CNGB3: variants seen among roughly 807,000 people sequenced by gnomAD.
CNGB3 encodes the protein cyclic nucleotide gated channel subunit beta 3.
CNGB3 carries 86 observed loss-of-function variants against 92.8 expected under a neutral mutation model. The observed-to-expected ratio is 0.93, with a 90% CI of 0.78 to 1.11. The LOEUF (loss-of-function observed/expected upper bound fraction) is 1.11, where lower values mean the gene tolerates loss of function less well. CNGB3 is among the 50% of genes least tolerant of loss of function. The pLI is 0.00. For synonymous variants in CNGB3, 333 were observed against 332.7 expected, an observed-to-expected ratio of 1.00 and a Z score of -0.01; for missense variants, 1,026 against 956.8, an observed-to-expected ratio of 1.07 and a Z score of -0.95.
At chr8:86,634,376 G>GGTT (rs1823023280) in intron 10 of CNGB3, among the ~76,000 whole-genome samples, 1 of 152,174 alleles carries the variant, frequency 6.6e-6, no homozygotes, top group African/African-American at 2.4e-5. Flanking sequence ...GCTAAGCTAT[G>GGTT]ATGTTTGGTA....
At chr8:86,637,657 C>T (rs1823099334) in intron 10 of CNGB3, among the ~76,000 whole-genome samples, 1 of 152,084 alleles carries the variant, frequency 6.6e-6, no homozygotes, top group South Asian at 2.1e-4. Context: ...TTTCAGTGTA[C>T]AAGTCTCACA....
chr8:86,590,511 A>C (rs1272299648), intron 15 of CNGB3, among the ~76,000 whole-genome samples: 2 of 151,950 alleles, frequency 1.3e-5, no homozygotes, highest in Non-Finnish European at 2.9e-5. Context: ...CGCTTCCTTC[A>C]GGAGCTCTTT....
intron 10 of CNGB3, among the ~76,000 whole-genome samples, chr8:86,638,963 C>T (rs1381078536): frequency 6.6e-6 from 1 of 151,788 alleles, no homozygotes; most frequent in Non-Finnish European, 1.5e-5. Flanking sequence ...TCTCTCTCTG[C>T]CATTGTCTGA....
At chr8:86,618,336 G>T (rs1031836712) in intron 13 of CNGB3, among the ~76,000 whole-genome samples, 7 of 152,182 alleles carry the variant, frequency 4.6e-5, no homozygotes, top group African/African-American at 1.7e-4. Context: ...CTATGATCAG[G>T]CAGGGCCACA....
intron 6 of CNGB3, chr8:86,658,160 C>A: frequency 1.9e-6 from 1 of 539,570 alleles, no homozygotes; most frequent in South Asian, 1.7e-5. Context: ...TCCTTCTGGA[C>A]TGAGGCCACC....
intron 3 of CNGB3, among the ~76,000 whole-genome samples, chr8:86,703,741 A>G (rs1228527320): frequency 6.6e-6 from 1 of 152,164 alleles, no homozygotes. Flanking sequence ...TGTACAACCA[A>G]GTAAAGCCTC....
rs114942550 is a variant in CNGB3, at chr8:86,640,593, C to A, written c.1178+3158G>T. Among the ~76,000 whole-genome samples, 657 of 152,122 alleles carry A rather than the reference C, an allele frequency of 4.3e-3. 5 individuals are homozygous for A. Among genetic ancestry groups the A allele is most frequent in the African/African-American group, 0.015 (630 of 41,536 alleles). On this transcript the variant is annotated intron_variant, in intron 10 of 17. Transcript: ENST00000320005. Reference sequence around the variant, plus strand: ...AGCCCTTTTCTGCCTATGAAGCCAACCTCCTTTGCTCAGCTCATCAGAACA... The same window carrying A: ...AGCCCTTTTCTGCCTATGAAGCCAAACTCCTTTGCTCAGCTCATCAGAACA...
rs76304420 is a variant in CNGB3, at chr8:86,647,715, C to G, written c.990+86G>C. The G allele has an allele frequency of 3.3e-3, 2,683 of 817,636 alleles. 50 individuals are homozygous for G. The African/African-American group carries it at 0.041, about 13-fold the overall frequency. 50.6% of individuals were successfully genotyped at this position (817,636 alleles called of 1,614,324 possible). A position where few individuals can be genotyped will look rare whatever the true frequency, so the allele number is the denominator to read the frequency against. ...TAAGAATATTGATCATTTTAAGATA[C>G]TTTAAATTGTTTCAAGATTTCCATT... On this transcript the variant is annotated intron_variant, in intron 8 of 17. Coordinates refer to ENST00000320005, the MANE Select transcript of CNGB3 (RefSeq NM_019098.5).
At chr8:86,743,454 G>A in intron 1 of CNGB3, 45 bp downstream of exon 1, 1 of 1,611,882 alleles carries the variant, frequency 6.2e-7, no homozygotes, top group African/African-American at 1.3e-5. Context: ...TACCAGATAA[G>A]AAATGATGAA....
chr8:86,713,129 G>T (rs1194990266), intron 3 of CNGB3, among the ~76,000 whole-genome samples: 1 of 151,936 alleles, frequency 6.6e-6, no homozygotes, highest in Non-Finnish European at 1.5e-5. Context: ...TTACTTAAAG[G>T]TGTTTTAAAT....
intron 15 of CNGB3, among the ~76,000 whole-genome samples, chr8:86,594,883 A>G (rs1411551097): frequency 6.6e-6 from 1 of 151,824 alleles, no homozygotes; most frequent in Non-Finnish European, 1.5e-5. Flanking sequence ...TAATTTTTGT[A>G]TATATATACA....
chr8:86,686,476 A>G (rs1340668506), intron 3 of CNGB3, among the ~76,000 whole-genome samples: 1 of 152,108 alleles, frequency 6.6e-6, no homozygotes, highest in African/African-American at 2.4e-5. Context: ...GCAAACTGCA[A>G]AAGCAGTGTA....
At chr8:86,713,445 A>G (rs1458012210) in intron 3 of CNGB3, among the ~76,000 whole-genome samples, 1 of 152,204 alleles carries the variant, frequency 6.6e-6, no homozygotes, top group Admixed American at 6.5e-5. Flanking sequence ...GGCATAGTAT[A>G]TAGTCAACTT....
rs774599273 is a variant in CNGB3, at chr8:86,668,094, A to G, written c.568T>C (p.Phe190Leu). The G allele has an allele frequency of 1.2e-6, 2 of 1,613,998 alleles. No individual in the cohort carries two copies. The highest frequency in any genetic ancestry group is 1.7e-6 in the Non-Finnish European group (2 of 1,179,978). Residue 190 changes from phenylalanine to leucine, a missense_variant, in exon 5 of 18, where the codon TTC (phenylalanine) becomes CTC (leucine). Phe to Leu is a conservative substitution (Grantham distance 22). Coordinates refer to ENST00000320005, the MANE Select transcript of CNGB3 (RefSeq NM_019098.5). ...GTTAAAGGCATCTTTTTGACTTTGA[A>G]CCACAACAGCCTGTAGTAATGTTCT... ...PTEHYYRLLW[F>L]KVKKMPLTEY...
chr8:86,730,122 G>C (rs189857314), intron 2 of CNGB3, among the ~76,000 whole-genome samples: 1 of 152,144 alleles, frequency 6.6e-6, no homozygotes, highest in South Asian at 2.1e-4. Context: ...GCCTGGCAGC[G>C]TCTCACACTG....
chr8:86,684,471 T>C (rs896422232), intron 3 of CNGB3, among the ~76,000 whole-genome samples: 11 of 152,246 alleles, frequency 7.2e-5, no homozygotes, highest in African/African-American at 2.2e-4. Context: ...AATTATCATA[T>C]GACCCCTATA....
At chr8:86,697,856 T>C (rs1386698380) in intron 3 of CNGB3, among the ~76,000 whole-genome samples, 1 of 151,822 alleles carries the variant, frequency 6.6e-6, no homozygotes, top group East Asian at 1.9e-4. Flanking sequence ...GTGTTCTCAT[T>C]GTTCAGTTCC....
intron 5 of CNGB3, 34 bp from the exon 6 acceptor site, chr8:86,667,167 CAT>C: frequency 1.3e-6 from 2 of 1,570,392 alleles, no homozygotes; most frequent in Middle Eastern, 1.7e-4. Flanking sequence ...ATCCAAATGA[CAT>C]AGAACAAACA....
At chr8:86,694,523 G>A (rs1313830353) in intron 3 of CNGB3, among the ~76,000 whole-genome samples, 9 of 151,402 alleles carry the variant, frequency 5.9e-5, no homozygotes, top group African/African-American at 1.2e-4. Flanking sequence ...GCCGGGTGGC[G>A]GGACTCCTCA....
Sources: gnomAD v4.1 joint callset for allele counts (sites outside exome capture counted in the v4.1 genomes callset) on GRCh38, gnomAD v4.1.1 for gene constraint, MANE v1.5 for transcripts, NCBI Gene and HGNC (gene_info 2026-07-23, HGNC 2026-07-21) for gene names.